Variants in INSYN2B observed in about 807,000 individuals in gnomAD.
INSYN2B encodes inhibitory synaptic factor family member 2B, also known as protein INSYN2B.
Under a neutral mutation model 41.2 loss-of-function variants are expected in INSYN2B, and 16 were observed. The observed-to-expected ratio is 0.39, with a 90% CI of 0.26 to 0.59. INSYN2B has a LOEUF of 0.59. Ranked by LOEUF, INSYN2B falls within the 20% of genes least tolerant of loss-of-function variation. The pLI is 0.57. For synonymous variants in INSYN2B, 245 were observed against 244.4 expected (o/e 1.00, Z -0.02); for missense variants, 608 against 646.4 (o/e 0.94, Z 0.64).
intron 1 of INSYN2B, among the ~76,000 whole-genome samples, chr5:169,949,838 G>T (rs1263269333): frequency 1.3e-5 from 2 of 151,634 alleles, no homozygotes; most frequent in African/African-American, 4.9e-5. Context: ...AGAGCCAGAG[G>T]TTTCATTTTT....
rs191666180 is a variant in INSYN2B, at chr5:169,959,364, G to A, written c.-919+20913C>T. On this transcript the variant is annotated intron_variant, in intron 1 of 3. Transcript: ENST00000377365. ...AGCCTGGGTGACAGAGAGAGACTCC[G>A]TCTCAAAAGAAAAAAAAAAAAGGAA... is the stretch of plus-strand genomic sequence containing the variant. Among the ~76,000 whole-genome samples the A allele has an allele frequency of 2.5e-4, 38 of 149,798 alleles. No individual in the cohort carries two copies. The South Asian group carries it at 5.0e-3, about 20-fold the overall frequency.
intron 3 of INSYN2B, among the ~76,000 whole-genome samples, chr5:169,871,422 A>G (rs1771962823): frequency 1.3e-5 from 2 of 152,250 alleles, no homozygotes. Flanking sequence ...CATTTATGGA[A>G]TGAAATCTAT....
At chr5:169,967,340 G>A (rs1260270187) in intron 1 of INSYN2B, among the ~76,000 whole-genome samples, 2 of 152,230 alleles carry the variant, frequency 1.3e-5, no homozygotes, top group African/African-American at 4.8e-5. Flanking sequence ...TAAAAGGTAG[G>A]TAGATACATG....
intron 3 of INSYN2B, among the ~76,000 whole-genome samples, chr5:169,877,776 G>A (rs1484778393): frequency 1.3e-5 from 2 of 152,146 alleles, no homozygotes; most frequent in Non-Finnish European, 2.9e-5. Flanking sequence ...GATAAGACGA[G>A]GAGCAGTCTG....
intron 1 of INSYN2B, among the ~76,000 whole-genome samples, chr5:169,943,984 G>A (rs1776347163): frequency 6.6e-6 from 1 of 152,214 alleles, no homozygotes; most frequent in South Asian, 2.1e-4. Context: ...GTAAGAGTGG[G>A]CTAATAGCAT....
At chr5:169,865,709 G>A (rs559602733) in intron 3 of INSYN2B, among the ~76,000 whole-genome samples, 4 of 152,334 alleles carry the variant, frequency 2.6e-5, no homozygotes, top group East Asian at 1.9e-4. Context: ...TGGAGGAAAC[G>A]TGGTCATGAA....
At chr5:169,926,345 G>C (rs1244557148) in intron 1 of INSYN2B, among the ~76,000 whole-genome samples, 1 of 152,190 alleles carries the variant, frequency 6.6e-6, no homozygotes, top group Non-Finnish European at 1.5e-5. Flanking sequence ...TTTGATGAAT[G>C]TCTGAAAAAT....
intron 1 of INSYN2B, among the ~76,000 whole-genome samples, chr5:169,889,171 C>G (rs1773144510): frequency 6.6e-6 from 1 of 152,146 alleles, no homozygotes; most frequent in Non-Finnish European, 1.5e-5. Context: ...GCTTCTAAGA[C>G]ATGGAATAGT....
chr5:169,910,329 T>C (rs1774524919), intron 1 of INSYN2B, among the ~76,000 whole-genome samples: 1 of 152,208 alleles, frequency 6.6e-6, no homozygotes, highest in Non-Finnish European at 1.5e-5. Flanking sequence ...TTGAGCCCTG[T>C]AATTAGGTAA....
At chr5:169,887,770 T>A (rs1354507559) in intron 1 of INSYN2B, among the ~76,000 whole-genome samples, 1 of 152,204 alleles carries the variant, frequency 6.6e-6, no homozygotes, top group Non-Finnish European at 1.5e-5. Context: ...TCAAAGTAGC[T>A]GTGCATTTTA....
At chr5:169,872,380 C>G (rs1398036658) in intron 3 of INSYN2B, among the ~76,000 whole-genome samples, 1 of 152,226 alleles carries the variant, frequency 6.6e-6, no homozygotes, top group Non-Finnish European at 1.5e-5. Flanking sequence ...ATGTTTTTCT[C>G]TCCCCAGCCT....
At chr5:169,950,675 T>A (rs962420502) in intron 1 of INSYN2B, among the ~76,000 whole-genome samples, 1 of 152,224 alleles carries the variant, frequency 6.6e-6, no homozygotes, top group Non-Finnish European at 1.5e-5. Context: ...TGTCCAATGT[T>A]GTGTTCCTCT....
At chr5:169,955,178 G>A (rs868737419) in intron 1 of INSYN2B, among the ~76,000 whole-genome samples, 5 of 152,326 alleles carry the variant, frequency 3.3e-5, no homozygotes, top group South Asian at 2.1e-4. Context: ...TGACGAGATC[G>A]CCAGGCAGCT....
intron 1 of INSYN2B, among the ~76,000 whole-genome samples, chr5:169,893,357 G>A (rs1773407225): frequency 6.6e-6 from 1 of 152,150 alleles, no homozygotes. Flanking sequence ...TCTCATAGAA[G>A]AAAGGGCATT....
chr5:169,882,474 A>G (rs1772711364), intron 2 of INSYN2B, 79 bp downstream of exon 2: 3 of 1,260,702 alleles, frequency 2.4e-6, no homozygotes, highest in Non-Finnish European at 3.2e-6. Context: ...TTACTAAAAG[A>G]AACCAAAGCT....
At chr5:169,898,493 G>A (rs550218311) in intron 1 of INSYN2B, among the ~76,000 whole-genome samples, 2 of 152,004 alleles carry the variant, frequency 1.3e-5, no homozygotes, top group Admixed American at 1.3e-4. Flanking sequence ...ACATGGGATT[G>A]ATAGGAGTAT....
rs377586258 is a variant in INSYN2B at position 169,906,625 on chromosome 5, G to C, written c.-918-21809C>G. On this transcript the variant is annotated intron_variant, in intron 1 of 3. Coordinates refer to ENST00000377365, the MANE Select transcript of INSYN2B (RefSeq NM_001129891.3). ...GGGGTTACGGGTATGAGCCACCCAT[G>C]CCTGGCCAAAACTGAGTTTTGCTGT... Among the ~76,000 whole-genome samples the C allele has an allele frequency of 3.7e-3, 561 of 152,222 alleles. 34 individuals are homozygous for C. The South Asian group carries it at 0.11, about 29-fold the overall frequency.
At chr5:169,939,865 C>T (rs1009234389) in intron 1 of INSYN2B, among the ~76,000 whole-genome samples, 2 of 152,098 alleles carry the variant, frequency 1.3e-5, no homozygotes, top group East Asian at 3.8e-4. Context: ...GGTACTTTGC[C>T]CTCTTCAGCT....
chr5:169,919,114 G>A (rs1775036560), intron 1 of INSYN2B, among the ~76,000 whole-genome samples: 1 of 152,188 alleles, frequency 6.6e-6, no homozygotes, highest in Non-Finnish European at 1.5e-5. Context: ...TTGATTGCTT[G>A]TGGAATTGAT....
Sources: allele counts gnomAD v4.1 joint callset (sites outside exome capture counted in the v4.1 genomes callset), GRCh38; gene constraint gnomAD v4.1.1; transcripts MANE v1.5; gene names NCBI Gene and HGNC (gene_info 2026-07-23, HGNC 2026-07-21).